MLLT10: variants seen among roughly 807,000 people sequenced by gnomAD.
MLLT10 encodes the protein MLLT10 histone lysine methyltransferase DOT1L cofactor.
MLLT10 carries 30 observed loss-of-function variants against 129.1 expected under a neutral mutation model. That is an observed-to-expected ratio of 0.23 (90% CI 0.17 to 0.32). The LOEUF is 0.32. Ranked by LOEUF, MLLT10 falls within the 10% of genes least tolerant of loss-of-function variation. MLLT10 has a pLI of 1.00. For missense variants in MLLT10, 1,119 were observed against 1,268.3 expected (o/e 0.88, Z 1.79); for synonymous variants, 490 against 446.4 (o/e 1.10, Z -1.23).
chr10:21,639,491 T>C (rs1267085873), intron 8 of MLLT10, among the ~76,000 whole-genome samples: 1 of 152,156 alleles, frequency 6.6e-6, no homozygotes, highest in Non-Finnish European at 1.5e-5. Flanking sequence ...TGTTTATTGG[T>C]TTATTATGAA....
At chr10:21,673,005 A>G (rs758676419) in intron 10 of MLLT10, among the ~76,000 whole-genome samples, 24 of 152,294 alleles carry the variant, frequency 1.6e-4, no homozygotes, top group Non-Finnish European at 2.5e-4. Flanking sequence ...GTCCTTCCTC[A>G]GGCATACATG....
chr10:21,601,186 C>T lies in MLLT10; in HGVS notation c.405+5746C>T, dbSNP rs554561281. ...GTCTTGAACTCTTGGATTCAAACAA[C>T]CCCCCTGCCTTGGCCTCCCAAAGTG... On this transcript the variant is annotated intron_variant, in intron 5 of 22. Transcript: ENST00000307729. 3.3e-5 allele frequency among the ~76,000 whole-genome samples: 5 copies of T among 152,274 alleles called. No individual in the cohort carries two copies. The East Asian group carries it at 9.7e-4, about 29-fold the overall frequency.
intron 8 of MLLT10, among the ~76,000 whole-genome samples, chr10:21,632,171 A>G (rs2047072070): frequency 6.6e-6 from 1 of 152,194 alleles, no homozygotes; most frequent in South Asian, 2.1e-4. Flanking sequence ...GCTTGAATTC[A>G]GATGTTGAAG....
intron 3 of MLLT10, among the ~76,000 whole-genome samples, chr10:21,585,855 G>A (rs1189914421): frequency 6.6e-6 from 1 of 152,030 alleles, no homozygotes; most frequent in African/African-American, 2.4e-5. Flanking sequence ...TGTACCTCCC[G>A]GATTCAAGCA....
chr10:21,715,565 G>T (rs924049773), intron 14 of MLLT10, among the ~76,000 whole-genome samples: 4 of 152,198 alleles, frequency 2.6e-5, no homozygotes, highest in African/African-American at 9.7e-5. Flanking sequence ...AGTCTCACAT[G>T]AACATTTTCA....
chr10:21,573,987 A>G (rs764742857), intron 3 of MLLT10, among the ~76,000 whole-genome samples: 19 of 152,084 alleles, frequency 1.2e-4, no homozygotes, highest in Non-Finnish European at 2.2e-4. Context: ...TGGTATATTC[A>G]TTGGTATTCT....
intron 3 of MLLT10, among the ~76,000 whole-genome samples, chr10:21,571,815 G>C (rs758629185): frequency 1.1e-4 from 17 of 152,126 alleles, no homozygotes; most frequent in Non-Finnish European, 2.4e-4. Flanking sequence ...AGTTGCAGAA[G>C]GTGTTTATAT....
intron 13 of MLLT10, among the ~76,000 whole-genome samples, chr10:21,707,689 G>GT (rs1051167140): frequency 3.3e-5 from 5 of 152,296 alleles, no homozygotes; most frequent in Admixed American, 1.3e-4. Flanking sequence ...TAAAAAGTGA[G>GT]TCATACTATT....
chr10:21,661,912 T>TAA (rs1344839267), intron 9 of MLLT10, among the ~76,000 whole-genome samples: 19 of 152,300 alleles, frequency 1.2e-4, no homozygotes, highest in African/African-American at 3.8e-4. Flanking sequence ...TCTACCATAT[T>TAA]TATTATTATT....
At position 21,743,342 on chromosome 10, in the gene MLLT10, A is replaced by G. The variant is rs1235251235; in HGVS notation, c.*1359A>G. The G allele has an allele frequency of 1.8e-5, 4 of 217,594 alleles. No individual in the cohort carries two copies. The highest frequency in any genetic ancestry group is 3.7e-5 in the Non-Finnish European group (4 of 108,028). The allele number at this position is 217,594 out of a possible 1,614,324, so 13.5% of individuals were successfully genotyped here. A position where few individuals can be genotyped will look rare whatever the true frequency, so the allele number is the denominator to read the frequency against. ...TGTTTTGTATTGTGACAAATTCATA[A>G]GATAACATTGATATTTTGATTTGTA... is the stretch of plus-strand genomic sequence containing the variant. On this transcript the variant is annotated 3_prime_UTR_variant, in exon 23 of 23. Coordinates refer to ENST00000307729, the MANE Select transcript of MLLT10 (RefSeq NM_001195626.3).
chr10:21,574,616 A>G (rs2040541622), intron 3 of MLLT10, among the ~76,000 whole-genome samples: 1 of 152,198 alleles, frequency 6.6e-6, no homozygotes, highest in Non-Finnish European at 1.5e-5. Context: ...ATTGTATGCT[A>G]AACAAGGGGT....
chr10:21,673,318 C>CCTTTT (rs1564622986), intron 10 of MLLT10, 32 bp from the exon 11 acceptor site: 1 of 307,340 alleles, frequency 3.3e-6, no homozygotes, highest in Non-Finnish European at 5.0e-6. Flanking sequence ...CACCCCCCAA[C>CCTTTT]TTTTTTTTTT....
In MLLT10 at chr10:21,734,119, C is replaced by G. The variant is rs1280023165; in HGVS notation, c.2848C>G (p.Leu950Val). 1.4e-5 allele frequency: 23 copies of G among 1,603,982 alleles called. No homozygotes were observed. Among genetic ancestry groups the G allele is most frequent in the Non-Finnish European group, 1.8e-5 (21 of 1,173,790 alleles). The change falls in exon 20 of 23, where the codon CTG becomes GTG. Residue 950 changes from leucine (L) to valine (V), a missense_variant. Leu to Val is a conservative substitution (Grantham distance 32). Around this residue, in one of 5 missense-constraint regions of MLLT10, gnomAD observed 1,004 missense variants for 1,008.7 expected, o/e 1.00. Coordinates refer to ENST00000307729, the MANE Select transcript of MLLT10 (RefSeq NM_001195626.3). ...TGCAACACATCCAATGCCAGCTACA[C>G]TGACTAACAGGTAAGAAACTTAAGT... ...PNATHPMPAT[L>V]TNSASGLGLL...
chr10:21,669,956 C>G (rs2051217816), intron 9 of MLLT10, among the ~76,000 whole-genome samples: 1 of 151,768 alleles, frequency 6.6e-6, no homozygotes, highest in South Asian at 2.1e-4. Context: ...CACCTGGTTT[C>G]CTTCAAAAGT....
chr10:21,656,825 A>G (rs2131336813), intron 9 of MLLT10, among the ~76,000 whole-genome samples: 1 of 152,212 alleles, frequency 6.6e-6, no homozygotes, highest in East Asian at 1.9e-4. Context: ...GAGGGAGTAA[A>G]AGTGTAAGTG....
intron 2 of MLLT10, among the ~76,000 whole-genome samples, chr10:21,536,263 A>G (rs1421282455): frequency 6.6e-6 from 1 of 152,186 alleles, no homozygotes; most frequent in African/African-American, 2.4e-5. Context: ...AGAAGAGCCA[A>G]GTTGCATGTC....
intron 9 of MLLT10, among the ~76,000 whole-genome samples, chr10:21,660,227 C>G (rs1433597828): frequency 6.6e-6 from 1 of 151,820 alleles, no homozygotes; most frequent in Non-Finnish European, 1.5e-5. Context: ...CTTAACCCAC[C>G]AAAGTGCTGG....
intron 13 of MLLT10, chr10:21,708,452 C>G (rs2185165): frequency 3.1e-5 from 15 of 487,678 alleles, no homozygotes; most frequent in South Asian, 9.0e-5. Flanking sequence ...CCAGTCCTAC[C>G]TGAGGAGCAA....
chr10:21,673,318 C>CCCCAT (rs1564622986), intron 10 of MLLT10, 32 bp from the exon 11 acceptor site: 7 of 307,650 alleles, frequency 2.3e-5, no homozygotes, highest in African/African-American at 3.7e-5. Flanking sequence ...CACCCCCCAA[C>CCCCAT]TTTTTTTTTT....
Sources: gnomAD v4.1 joint callset for allele counts (sites outside exome capture counted in the v4.1 genomes callset) on GRCh38, gnomAD v4.1.1 for gene constraint, gnomAD v4.1.1 regional missense constraint, MANE v1.5 for transcripts, NCBI Gene and HGNC (gene_info 2026-07-23, HGNC 2026-07-21) for gene names.